Variants in PHF19 observed in about 807,000 individuals in gnomAD.
PHF19 encodes the protein PHD finger protein 19, also known as polycomb like 3.
A neutral mutation model predicts 79.8 loss-of-function variants in PHF19; 21 were observed. That is an observed-to-expected ratio of 0.26 (90% CI 0.19 to 0.38). The LOEUF is 0.38. Among genes scored for constraint, PHF19 ranks in the 10% least tolerant of loss-of-function variants. The probability of loss-of-function intolerance (pLI) is 1.00; values close to 1 mark genes in which losing one functional copy is unlikely to be tolerated. For missense variants in PHF19, 445 were observed against 744.2 expected, an observed-to-expected ratio of 0.60 and a Z score of 4.68; for synonymous variants, 273 against 296.3, an observed-to-expected ratio of 0.92 and a Z score of 0.81.
intron 1 of PHF19, among the ~76,000 whole-genome samples, chr9:120,890,946 T>C (rs1270250575): frequency 6.6e-6 from 1 of 152,140 alleles, no homozygotes; most frequent in Non-Finnish European, 1.5e-5. Flanking sequence ...TCTCCTACTC[T>C]CCACCCCCAC....
At chr9:120,872,968 A>G (rs1303898935) in intron 3 of PHF19, among the ~76,000 whole-genome samples, 1 of 152,162 alleles carries the variant, frequency 6.6e-6, no homozygotes, top group Non-Finnish European at 1.5e-5. Context: ...AATAGTACTG[A>G]GCTAAGCATT....
At chr9:120,903,383 C>T in the PHF19 span, 1 of 152,290 alleles carries the variant, frequency 6.6e-6, no homozygotes, top group South Asian at 2.1e-4. Context: ...GACAGGATGC[C>T]AGGCTTAGAG....
chr9:120,871,791 G>A (rs2045902055), intron 3 of PHF19, among the ~76,000 whole-genome samples: 1 of 152,084 alleles, frequency 6.6e-6, no homozygotes, highest in Admixed American at 6.6e-5. Flanking sequence ...TGTAATCCCA[G>A]CACTTTGGGA....
At chr9:120,898,554 CA>C (rs1295844067), upstream of PHF19, among the ~76,000 whole-genome samples, 1 of 152,230 alleles carries the variant, frequency 6.6e-6, no homozygotes, top group Non-Finnish European at 1.5e-5. Flanking sequence ...GCTATTTAAA[CA>C]AATTAATGTG....
chr9:120,892,846 T>C (rs2046360496), intron 1 of PHF19, among the ~76,000 whole-genome samples: 2 of 152,348 alleles, frequency 1.3e-5, no homozygotes, highest in African/African-American at 2.4e-5. Context: ...ACATGACTAC[T>C]TGAATGATTC....
chr9:120,894,601 C>G (rs927701059), intron 1 of PHF19, among the ~76,000 whole-genome samples: 7 of 151,896 alleles, frequency 4.6e-5, no homozygotes. Flanking sequence ...GCGCAGGCCC[C>G]GGCTGCCAAG....
Position 120,858,357 on chromosome 9 carries a change from G to A in PHF19, c.1401-71C>T, listed in dbSNP as rs984656064. 8 of 1,192,022 alleles carry A rather than the reference G, an allele frequency of 6.7e-6. No individual in the cohort carries two copies. The African/African-American group carries it at 1.2e-4, about 18-fold the overall frequency. The allele number at this position is 1,192,022 out of a possible 1,614,324, so 73.8% of individuals were successfully genotyped here. ...AATCACAGTAAATTCCTCTCCCTGA[G>A]TCCTCCCCTCAGTACCAGGAAAGTG... On this transcript the variant is annotated intron_variant, in intron 14 of 14. Coordinates refer to ENST00000373896, the MANE Select transcript of PHF19 (RefSeq NM_015651.3).
At position 120,869,778 on chromosome 9, in the gene PHF19, G is replaced by C. The variant is rs1157335762; in HGVS notation, c.465+67C>G. The stretch of plus-strand genomic sequence containing the variant: ...TGCTTGGAGCTCAGACTCTGTGATG[G>C]GAGTCTCTGGTCTGCCCCACTGGAG... On this transcript the variant is annotated intron_variant, in intron 5 of 14. Coordinates refer to ENST00000373896, the MANE Select transcript of PHF19 (RefSeq NM_015651.3). This position sits in a 1 kb window ranked among gnomAD's most constrained non-coding sequence, Gnocchi z 5.8. 4 of 1,607,148 alleles carry C rather than the reference G, an allele frequency of 2.5e-6. No homozygotes were observed. The African/African-American group carries it at 4.0e-5, about 16-fold the overall frequency.
chr9:120,858,886 A>T (rs1055446495), intron 14 of PHF19, among the ~76,000 whole-genome samples: 1 of 152,124 alleles, frequency 6.6e-6, no homozygotes, highest in African/African-American at 2.4e-5. Flanking sequence ...ACACACAGAC[A>T]CACAGGACAA....
chr9:120,883,638 T>C (rs1352942945), intron 1 of PHF19, among the ~76,000 whole-genome samples: 1 of 151,854 alleles, frequency 6.6e-6, no homozygotes, highest in Non-Finnish European at 1.5e-5. Context: ...CATGCACCTG[T>C]GGTCCTAGCT....
upstream of PHF19, among the ~76,000 whole-genome samples, chr9:120,897,700 C>T (rs1245118145): frequency 5.3e-5 from 8 of 151,890 alleles, no homozygotes; most frequent in South Asian, 4.1e-4. Context: ...AATTCTCAGC[C>T]GGGCATGGTG....
intron 1 of PHF19, among the ~76,000 whole-genome samples, chr9:120,886,919 A>G (rs1327433406): frequency 6.6e-6 from 1 of 150,802 alleles, no homozygotes; most frequent in Non-Finnish European, 1.5e-5. Context: ...AATACAAAAA[A>G]ATTAGCCGGG....
At chr9:120,894,127 A>C (rs2046375144) in intron 1 of PHF19, among the ~76,000 whole-genome samples, 1 of 152,110 alleles carries the variant, frequency 6.6e-6, no homozygotes, top group Non-Finnish European at 1.5e-5. Context: ...GACGACCCTA[A>C]TCATGGCAGT....
chr9:120,882,052 A>G (rs1055192110), upstream of PHF19, among the ~76,000 whole-genome samples: 1 of 152,182 alleles, frequency 6.6e-6, no homozygotes, highest in African/African-American at 2.4e-5. Flanking sequence ...GTGCCACTGC[A>G]CCTGGCCCAC....
At chr9:120,877,485 C>T (rs901094221), upstream of PHF19, among the ~76,000 whole-genome samples, 2 of 150,640 alleles carry the variant, frequency 1.3e-5, no homozygotes, top group African/African-American at 4.8e-5. Flanking sequence ...GGCCACTAGC[C>T]AGGACCCGGG....
chr9:120,877,411 C>T (rs2046099012), upstream of PHF19: 1 of 959,696 alleles, frequency 1.0e-6, no homozygotes, highest in Non-Finnish European at 1.2e-6. Flanking sequence ...CCGCGGCCGC[C>T]GGGCTCCGCA....
chr9:120,876,444 G>A (rs2046057922), intron 1 of PHF19: 1 of 151,890 alleles, frequency 6.6e-6, no homozygotes, highest in East Asian at 2.0e-4. Flanking sequence ...GGGGCCCCCG[G>A]GTGGCGCCCC....
At position 120,856,470 on chromosome 9, in the gene PHF19, C is replaced by A. The variant is rs890435974; in HGVS notation, c.*1474G>T. The A allele has an allele frequency of 6.6e-6, 1 of 152,302 alleles. No individual in the cohort carries two copies. The highest frequency in any genetic ancestry group is 2.4e-5 in the African/African-American group (1 of 41,464). 9.4% of individuals were successfully genotyped at this position (152,302 alleles called of 1,614,324 possible). A position where few individuals can be genotyped will look rare whatever the true frequency, so the allele number is the denominator to read the frequency against. Reference sequence around the variant, plus strand: ...AGCTGGAGGCCACAGCAGCAGTTGGCAAGGCTGGTCCCCATCTGGTGCCCA... The same window carrying A: ...AGCTGGAGGCCACAGCAGCAGTTGGAAAGGCTGGTCCCCATCTGGTGCCCA... On this transcript the variant is annotated 3_prime_UTR_variant, in exon 15 of 15. Coordinates refer to ENST00000373896, the MANE Select transcript of PHF19 (RefSeq NM_015651.3).
In PHF19 at chr9:120,890,544, T is replaced by A. The variant is rs1029575108; in HGVS notation, c.42+4244A>T. Among the ~76,000 whole-genome samples the A allele has an allele frequency of 5.9e-5, 9 of 152,266 alleles. 1 individual carries two copies. In the South Asian group the frequency reaches 1.0e-3, roughly 18 times the overall value. Reference sequence around the variant, plus strand: ...GGCAGGAGGACTCGCTCCTAATTCCTTCCTGGTTCCGAGTCAAAGGATGAG... The same window carrying A: ...GGCAGGAGGACTCGCTCCTAATTCCATCCTGGTTCCGAGTCAAAGGATGAG... On this transcript the variant is annotated intron_variant, in intron 1 of 14. Transcript: ENST00000616568.
Sources: allele counts gnomAD v4.1 joint callset (sites outside exome capture counted in the v4.1 genomes callset), GRCh38; gene constraint gnomAD v4.1.1; non-coding constraint Gnocchi (gnomAD v3.1); transcripts MANE v1.5; gene names NCBI Gene and HGNC (gene_info 2026-07-23, HGNC 2026-07-21).